SGCZ: variants seen among roughly 807,000 people sequenced by gnomAD.
SGCZ encodes the protein zeta-sarcoglycan.
Under a neutral mutation model 41.3 loss-of-function variants are expected in SGCZ, and 40 were observed. That is an observed-to-expected ratio of 0.97 (90% CI 0.75 to 1.26). SGCZ has a LOEUF of 1.26. Ranked by LOEUF, SGCZ falls within the 50% of genes most tolerant of loss-of-function variation. The pLI is 0.00. For synonymous variants in SGCZ, 206 were observed against 137.5 expected (o/e 1.50, Z -3.49); for missense variants, 552 against 369.8 (o/e 1.49, Z -4.04).
chr8:14,790,669 A>G (rs776657703), intron 1 of SGCZ, among the ~76,000 whole-genome samples: 1 of 152,196 alleles, frequency 6.6e-6, no homozygotes, highest in Non-Finnish European at 1.5e-5. Flanking sequence ...CAGTAGACAA[A>G]CTGGAAGAAT....
intron 1 of SGCZ, among the ~76,000 whole-genome samples, chr8:15,216,306 G>C (rs1244016360): frequency 7.2e-6 from 1 of 139,130 alleles, no homozygotes; most frequent in African/African-American, 2.7e-5. Context: ...GGCAAGCTCC[G>C]CCTCCTGGGT....
chr8:14,532,041 A>T (rs142471892), intron 2 of SGCZ, among the ~76,000 whole-genome samples: 1 of 152,182 alleles, frequency 6.6e-6, no homozygotes, highest in Non-Finnish European at 1.5e-5. Context: ...ATAGAAAATC[A>T]TTTTTCTTTA....
At chr8:14,896,768 C>A (rs1211909425) in intron 1 of SGCZ, among the ~76,000 whole-genome samples, 1 of 150,428 alleles carries the variant, frequency 6.6e-6, no homozygotes, top group Non-Finnish European at 1.5e-5. Context: ...TGGGCCACCA[C>A]ACCTGGCTGA....
At chr8:14,915,357 T>C (rs1799401468) in intron 1 of SGCZ, among the ~76,000 whole-genome samples, 1 of 152,242 alleles carries the variant, frequency 6.6e-6, no homozygotes, top group East Asian at 1.9e-4. Flanking sequence ...AGGGAGAAAG[T>C]AAGGGACTAG....
rs60932690 is a variant in SGCZ at position 14,668,918 on chromosome 8, T to TTG, written c.40-113994_40-113993dup. On this transcript the variant is annotated intron_variant, in intron 1 of 7. Coordinates refer to ENST00000382080, the MANE Select transcript of SGCZ (RefSeq NM_139167.4). The stretch of plus-strand genomic sequence containing the variant: ...ACAAATCTACCACTCAGTTATTTTC[T>TTG]TGTGTGTGTGTGTGTGTATGTGTGT... Among the ~76,000 whole-genome samples the TTG allele has an allele frequency of 6.4e-3, 975 of 151,280 alleles. 9 individuals are homozygous for TTG. The highest frequency in any genetic ancestry group is 9.6e-3 in the African/African-American group (395 of 41,178).
chr8:14,851,014 G>C (rs1803298335), intron 1 of SGCZ, among the ~76,000 whole-genome samples: 1 of 152,108 alleles, frequency 6.6e-6, no homozygotes, highest in South Asian at 2.1e-4. Context: ...GACTAATACA[G>C]AGTAATATGC....
chr8:15,079,200 T>A (rs972963737), intron 1 of SGCZ, among the ~76,000 whole-genome samples: 5 of 152,338 alleles, frequency 3.3e-5, no homozygotes, highest in Non-Finnish European at 7.3e-5. Context: ...TATTTACTTG[T>A]ATTCACTACC....
chr8:14,496,533 T>C (rs1801993408), intron 2 of SGCZ, among the ~76,000 whole-genome samples: 1 of 152,150 alleles, frequency 6.6e-6, no homozygotes, highest in Admixed American at 6.6e-5. Context: ...CCAAGCTAAG[T>C]ATTTAAATTT....
At chr8:14,835,639 A>T (rs1802672400) in intron 1 of SGCZ, among the ~76,000 whole-genome samples, 1 of 152,184 alleles carries the variant, frequency 6.6e-6, no homozygotes, top group South Asian at 2.1e-4. Context: ...CACCTGTTCT[A>T]ATTTGATATT....
At chr8:14,350,620 C>T (rs1803056309) in intron 2 of SGCZ, among the ~76,000 whole-genome samples, 1 of 152,002 alleles carries the variant, frequency 6.6e-6, no homozygotes, top group African/African-American at 2.4e-5. Flanking sequence ...TAGAAAGGCC[C>T]ACTCTGAAGG....
At chr8:14,549,643 G>C (rs952932960) in intron 2 of SGCZ, among the ~76,000 whole-genome samples, 3 of 152,136 alleles carry the variant, frequency 2.0e-5, no homozygotes, top group African/African-American at 7.2e-5. Context: ...GAAATGCGGG[G>C]ACGTTGATAG....
intron 3 of SGCZ, among the ~76,000 whole-genome samples, chr8:14,304,400 C>A (rs1269359591): frequency 6.6e-6 from 1 of 152,122 alleles, no homozygotes; most frequent in Non-Finnish European, 1.5e-5. Context: ...TTGAGACCAG[C>A]ATGGGCAATA....
intron 1 of SGCZ, among the ~76,000 whole-genome samples, chr8:15,016,927 A>G (rs1353207991): frequency 6.6e-6 from 1 of 152,086 alleles, no homozygotes; most frequent in East Asian, 1.9e-4. Flanking sequence ...AGATCTGGTA[A>G]TAATTAATAG....
chr8:14,236,375 A>G (rs1806761464), intron 4 of SGCZ, among the ~76,000 whole-genome samples: 1 of 152,192 alleles, frequency 6.6e-6, no homozygotes, highest in Admixed American at 6.5e-5. Context: ...AGCAATTTTT[A>G]CAAATAAAAC....
At chr8:14,383,507 T>C (rs376850114) in intron 2 of SGCZ, among the ~76,000 whole-genome samples, 1 of 152,204 alleles carries the variant, frequency 6.6e-6, no homozygotes, top group East Asian at 1.9e-4. Context: ...ATAACACGAC[T>C]AGTAAAAAGA....
At chr8:14,923,109 T>A (rs1799639483) in intron 1 of SGCZ, among the ~76,000 whole-genome samples, 1 of 152,144 alleles carries the variant, frequency 6.6e-6, no homozygotes, top group Non-Finnish European at 1.5e-5. Flanking sequence ...TGCAAAGTCA[T>A]CTCCTGACAG....
At chr8:15,097,815 CGTGTGT>C (rs759275489) in intron 1 of SGCZ, among the ~76,000 whole-genome samples, 1 of 74,488 alleles carries the variant, frequency 1.3e-5, no homozygotes, top group Non-Finnish European at 2.6e-5. Context: ...TATATATATA[CGTGTGT>C]GTATATATAT....
At chr8:14,135,030 C>T (rs1047221047) in intron 5 of SGCZ, among the ~76,000 whole-genome samples, 7 of 152,038 alleles carry the variant, frequency 4.6e-5, no homozygotes, top group African/African-American at 7.2e-5. Context: ...GTAGTTAAAA[C>T]AGAGTGTATG....
intron 3 of SGCZ, among the ~76,000 whole-genome samples, chr8:14,298,394 G>GA (rs1052468231): frequency 2.0e-5 from 3 of 151,646 alleles, no homozygotes; most frequent in Non-Finnish European, 2.9e-5. Context: ...TACTAAGATT[G>GA]AAAAAAACTA....
Sources: gnomAD v4.1 joint callset for allele counts (sites outside exome capture counted in the v4.1 genomes callset) on GRCh38, gnomAD v4.1.1 for gene constraint, MANE v1.5 for transcripts, NCBI Gene and HGNC (gene_info 2026-07-23, HGNC 2026-07-21) for gene names.